DARS1: variants seen among roughly 807,000 people sequenced by gnomAD.
DARS1 encodes aspartyl-tRNA synthetase 1.
DARS1 carries 51 observed loss-of-function variants against 68.8 expected under a neutral mutation model. The ratio of observed to expected loss-of-function variants is 0.74; its 90% CI spans 0.59 to 0.94. DARS1 has a LOEUF of 0.94. DARS1 is among the 40% of genes least tolerant of loss of function. The probability of loss-of-function intolerance (pLI) is 0.00; values close to 1 mark genes in which losing one functional copy is unlikely to be tolerated. For missense variants in DARS1, 607 were observed against 597.3 expected (o/e 1.02, Z -0.17); for synonymous variants, 203 against 190.4 (o/e 1.07, Z -0.55).
At chr2:135,909,053 T>A (rs941857230) in intron 15 of DARS1, among the ~76,000 whole-genome samples, 17 of 151,598 alleles carry the variant, frequency 1.1e-4, no homozygotes, top group African/African-American at 3.9e-4. Flanking sequence ...AAACACCACA[T>A]GTTCTCACTT....
chr2:135,907,261 T>TTTTTTTTTTTTTTTTTTTTTTTGGG lies in DARS1; in HGVS notation c.*54_*55insCCCAAAAAAAAAAAAAAAAAAAAAA. 1 of 889,242 alleles carries TTTTTTTTTTTTTTTTTTTTTTTGGG rather than the reference T, an allele frequency of 1.1e-6. No individual in the cohort carries two copies. Among genetic ancestry groups the TTTTTTTTTTTTTTTTTTTTTTTGGG allele is most frequent in the Admixed American group, 2.8e-5 (1 of 36,202 alleles). 55.1% of individuals were successfully genotyped at this position (889,242 alleles called of 1,614,324 possible). ...GGCTTTCTTTTTTTTTTTTTTTTTT[T>TTTTTTTTTTTTTTTTTTTTTTTGGG]GAGGCAGGGTCTCGCTCTGTCATCC... On this transcript the variant is annotated 3_prime_UTR_variant, in exon 16 of 16. Coordinates refer to ENST00000264161, the MANE Select transcript of DARS1 (RefSeq NM_001349.4).
Position 135,957,287 on chromosome 2 carries a change from G to A in DARS1, c.320+4109C>T, listed in dbSNP as rs138458586. 7.5e-3 allele frequency among the ~76,000 whole-genome samples: 1,135 copies of A among 151,912 alleles called. 11 individuals carry two copies. The highest frequency in any genetic ancestry group is 0.026 in the African/African-American group (1,069 of 41,396). On this transcript the variant is annotated intron_variant, in intron 4 of 15. Coordinates refer to ENST00000264161, the MANE Select transcript of DARS1 (RefSeq NM_001349.4). ...CTGTCGCCCAGGCTGGAGTGCAGTG[G>A]CACAATCTTGGCTCACTGCAACCTT... is the stretch of plus-strand genomic sequence containing the variant.
intron 5 of DARS1, among the ~76,000 whole-genome samples, chr2:135,940,092 G>A (rs1681563240): frequency 6.6e-6 from 1 of 152,118 alleles, no homozygotes; most frequent in African/African-American, 2.4e-5. Context: ...AAGAGGAGCT[G>A]GTACCATTCC....
Position 135,979,306 on chromosome 2 carries a change from A to T in DARS1, c.185T>A (p.Val62Glu). The T allele has an allele frequency of 6.6e-7, 1 of 1,505,008 alleles. No homozygotes were observed. 93.2% of individuals were successfully genotyped at this position (1,505,008 alleles called of 1,614,324 possible). Residue 62 changes from valine to glutamate, a missense_variant, in exon 3 of 16, where the codon GTA becomes GAA. Val to Glu is a moderately radical substitution (Grantham distance 121, BLOSUM62 -2). Transcript: ENST00000264161. ...TCTGCTTGTATGAACTCTTGCACGT[A>T]CCCAAACAACTTCATCAGCTTTTTG... ...TIQKADEVVW[V>E]RARVHTSRAK...
At chr2:135,938,782 C>A (rs1681529708) in intron 5 of DARS1, among the ~76,000 whole-genome samples, 1 of 152,072 alleles carries the variant, frequency 6.6e-6, no homozygotes, top group African/African-American at 2.4e-5. Context: ...CATGCAGAGA[C>A]ACACATTGGC....
In DARS1 at chr2:135,974,072, CAA is replaced by C. The variant is rs566527978; in HGVS notation, c.217+5200_217+5201del. Among the ~76,000 whole-genome samples the C allele has an allele frequency of 5.9e-5, 9 of 152,220 alleles. No individual in the cohort carries two copies. In the East Asian group the frequency reaches 1.7e-3, roughly 29 times the overall value. On this transcript the variant is annotated intron_variant, in intron 3 of 15. Transcript: ENST00000264161. ...TATATACACCTACTATGTACCCACACAAAAGTTTTTAAAAGTCCTTTTTTAAA... is the reference window on the plus strand; with the variant it reads ...TATATACACCTACTATGTACCCACACAAGTTTTTAAAAGTCCTTTTTTAAA...
At chr2:135,932,865 GA>G (rs1681382659) in intron 6 of DARS1, 23 bp from the exon 7 acceptor site, 5 of 1,038,374 alleles carry the variant, frequency 4.8e-6, no homozygotes, top group African/African-American at 3.3e-5. Context: ...AAAAAGAAAA[GA>G]AAAAAATAAA....
intron 5 of DARS1, among the ~76,000 whole-genome samples, chr2:135,936,639 G>A (rs1681478023): frequency 6.6e-6 from 1 of 152,136 alleles, no homozygotes; most frequent in Non-Finnish European, 1.5e-5. Context: ...CAACATAAAT[G>A]GGTTTATTCA....
At chr2:135,937,843 T>C (rs1285149569) in intron 5 of DARS1, among the ~76,000 whole-genome samples, 2 of 152,238 alleles carry the variant, frequency 1.3e-5, no homozygotes, top group Non-Finnish European at 2.9e-5. Flanking sequence ...GCTTGTAAAG[T>C]TTCTGCCGAG....
chr2:135,944,575 T>TAA (rs528997555), intron 4 of DARS1, among the ~76,000 whole-genome samples: 1 of 147,356 alleles, frequency 6.8e-6, no homozygotes. Flanking sequence ...CCAACTAACT[T>TAA]AAAAAAAAAA....
chr2:135,942,163 C>T (rs2104818031), intron 5 of DARS1, among the ~76,000 whole-genome samples: 1 of 152,094 alleles, frequency 6.6e-6, no homozygotes, highest in East Asian at 1.9e-4. Flanking sequence ...GGTATATACC[C>T]AAAGGATTAT....
At chr2:135,920,718 G>A in intron 9 of DARS1, 118 bp from the exon 10 acceptor site, 1 of 1,293,166 alleles carries the variant, frequency 7.7e-7, no homozygotes, top group Non-Finnish European at 1.0e-6. Context: ...CATATTACAG[G>A]GCTGGAAGGA....
intron 3 of DARS1, among the ~76,000 whole-genome samples, chr2:135,977,572 G>A (rs942687652): frequency 5.9e-5 from 9 of 152,144 alleles, no homozygotes; most frequent in African/African-American, 9.7e-5. Flanking sequence ...GGAGAGAGAC[G>A]AGTAAATGAA....
At chr2:135,945,421 C>A (rs1032057462) in intron 4 of DARS1, among the ~76,000 whole-genome samples, 1 of 152,208 alleles carries the variant, frequency 6.6e-6, no homozygotes, top group East Asian at 1.9e-4. Flanking sequence ...AGCCATCGCG[C>A]CCGGCCCAAA....
chr2:135,933,916 T>A lies in DARS1; in HGVS notation c.498A>T (p.Gly166=). 6.2e-7 allele frequency: 1 copy of A among 1,612,730 alleles called. No homozygotes were observed. The highest frequency in any genetic ancestry group is 8.5e-7 in the Non-Finnish European group (1 of 1,179,070). The change falls in exon 6 of 16, where the codon GGA becomes GGT. Residue 166 remains glycine, a synonymous_variant. Coordinates refer to ENST00000264161, the MANE Select transcript of DARS1 (RefSeq NM_001349.4). ...TCATAAGTATAATTTTTACCTCTTC[T>A]CCTTCTGCCTCAGGCCGAACAGCAT... is the stretch of plus-strand genomic sequence containing the variant. ...LDDAVRPEAE[G]EEEGRATVNQ...
chr2:135,959,509 A>G (rs1682055912), intron 4 of DARS1, among the ~76,000 whole-genome samples: 1 of 145,638 alleles, frequency 6.9e-6, no homozygotes, highest in Admixed American at 6.9e-5. Flanking sequence ...TAATTTTATG[A>G]GGGCATTAGT....
intron 4 of DARS1, among the ~76,000 whole-genome samples, chr2:135,958,405 G>A (rs1682024485): frequency 6.6e-6 from 1 of 152,032 alleles, no homozygotes; most frequent in African/African-American, 2.4e-5. Flanking sequence ...CCCATTTTAT[G>A]CGCTAAAACA....
At chr2:135,968,452 G>A (rs187442591) in intron 3 of DARS1, among the ~76,000 whole-genome samples, 1 of 152,118 alleles carries the variant, frequency 6.6e-6, no homozygotes. Flanking sequence ...GACACAACTT[G>A]TAAGTGCCTT....
At chr2:135,909,188 T>C (rs1194251305) in intron 15 of DARS1, among the ~76,000 whole-genome samples, 1 of 152,130 alleles carries the variant, frequency 6.6e-6, no homozygotes. Context: ...CAGGGCTTCA[T>C]ACCTAGGTGA....
Sources: allele counts gnomAD v4.1 joint callset (sites outside exome capture counted in the v4.1 genomes callset), GRCh38; gene constraint gnomAD v4.1.1; transcripts MANE v1.5; gene names NCBI Gene and HGNC (gene_info 2026-07-23, HGNC 2026-07-21).